Variants in ABCB1 observed in about 807,000 individuals in gnomAD.
ABCB1 encodes ATP binding cassette subfamily B member 1.
In ABCB1, 69 loss-of-function variants were observed where a neutral mutation model predicts 142.0. The observed-to-expected ratio is 0.49, with a 90% CI of 0.40 to 0.59. The LOEUF (loss-of-function observed/expected upper bound fraction) is 0.59. ABCB1 is among the 20% of genes least tolerant of loss of function. The pLI, the probability that ABCB1 is intolerant of heterozygous loss-of-function variation, is 0.00. For synonymous variants in ABCB1, 532 were observed against 539.2 expected (o/e 0.99, Z 0.18); for missense variants, 1,326 against 1,554.7 (o/e 0.85, Z 2.47).
At chr7:87,504,499 T>C in intron 27 of ABCB1, 50 bp from the exon 28 acceptor site, 1 of 1,605,464 alleles carries the variant, frequency 6.2e-7, no homozygotes. Flanking sequence ...TTTTCCCTAA[T>C]TCCTCTTCCA....
intron 2 of ABCB1, among the ~76,000 whole-genome samples, chr7:87,597,797 T>C (rs1244089365): frequency 1.3e-5 from 2 of 152,184 alleles, no homozygotes; most frequent in African/African-American, 2.4e-5. Flanking sequence ...GTGATTACAA[T>C]TCTGATATTG....
rs183112042 is a variant in ABCB1, at chr7:87,522,113, G to A, written c.2686-1237C>T. 994 of 1,310,522 alleles carry A rather than the reference G, an allele frequency of 7.6e-4. 1 individual carries two copies. Among genetic ancestry groups the A allele is most frequent in the Admixed American group, 1.6e-3 (97 of 59,482 alleles). The allele number at this position is 1,310,522 out of a possible 1,614,324, so 81.2% of individuals were successfully genotyped here. ...TTCGGTGGGAATGACAACTTTGGTC[G>A]TGGAGGAAACTTCAGTGGTCATTGT... On this transcript the variant is annotated intron_variant, in intron 21 of 27. Coordinates refer to ENST00000622132, the MANE Select transcript of ABCB1 (RefSeq NM_001348946.2).
intron 2 of ABCB1, among the ~76,000 whole-genome samples, chr7:87,597,417 G>T (rs1819251825): frequency 6.6e-6 from 1 of 151,704 alleles, no homozygotes; most frequent in Non-Finnish European, 1.5e-5. Context: ...TGTTAAAATA[G>T]ATTTAAATCA....
At chr7:87,545,040 G>A (rs1360237079) in intron 15 of ABCB1, 41 bp from the exon 16 acceptor site, 1 of 1,578,504 alleles carries the variant, frequency 6.3e-7, no homozygotes, top group Non-Finnish European at 8.7e-7. Context: ...ATTAGGCTGT[G>A]TGTTAACCAA....
At chr7:87,687,695 T>C (rs1201990959) in intron 1 of ABCB1, among the ~76,000 whole-genome samples, 4 of 152,178 alleles carry the variant, frequency 2.6e-5, no homozygotes, top group African/African-American at 9.7e-5. Context: ...GGATTTGGAC[T>C]CTTAAAACGA....
chr7:87,610,670 A>C, intron 1 of ABCB1, among the ~76,000 whole-genome samples: 1 of 152,046 alleles, frequency 6.6e-6, no homozygotes, highest in East Asian at 1.9e-4. Context: ...ACTATAGTCA[A>C]GTTTTCCTTA....
chr7:87,712,496 A>G (rs1830176841), intron 1 of ABCB1, among the ~76,000 whole-genome samples: 1 of 152,098 alleles, frequency 6.6e-6, no homozygotes, highest in Non-Finnish European at 1.5e-5. Flanking sequence ...CTATGCAAGT[A>G]GAATATTGAA....
intron 4 of ABCB1, among the ~76,000 whole-genome samples, chr7:87,580,364 A>G (rs1427961875): frequency 1.3e-5 from 2 of 152,212 alleles, no homozygotes; most frequent in African/African-American, 2.4e-5. Flanking sequence ...CACTTTAAAT[A>G]TGTCACGCTA....
chr7:87,647,417 A>G (rs955714147), intron 1 of ABCB1, among the ~76,000 whole-genome samples: 10 of 152,242 alleles, frequency 6.6e-5, no homozygotes, highest in African/African-American at 2.4e-4. Flanking sequence ...GCTTGAATGC[A>G]AAAGCAGTAA....
intron 1 of ABCB1, among the ~76,000 whole-genome samples, chr7:87,663,949 C>T (rs542917605): frequency 1.3e-5 from 2 of 152,222 alleles, no homozygotes; most frequent in Admixed American, 6.5e-5. Flanking sequence ...CACCCTTATA[C>T]CTCATTTCAC....
intron 1 of ABCB1, among the ~76,000 whole-genome samples, chr7:87,638,747 T>C (rs772794693): frequency 4.6e-5 from 7 of 152,184 alleles, no homozygotes; most frequent in Non-Finnish European, 4.4e-5. Flanking sequence ...GCTAGGCATT[T>C]ATTAATTTTA....
chr7:87,506,882 G>C (rs1310566894), intron 26 of ABCB1, among the ~76,000 whole-genome samples: 1 of 152,210 alleles, frequency 6.6e-6, no homozygotes, highest in Non-Finnish European at 1.5e-5. Flanking sequence ...TGTAAATAGA[G>C]GGAGAAGACG....
At chr7:87,675,625 A>G (rs1279545802) in intron 1 of ABCB1, among the ~76,000 whole-genome samples, 51 of 142,678 alleles carry the variant, frequency 3.6e-4, no homozygotes, top group African/African-American at 1.3e-3. Flanking sequence ...TTCAGTAAAT[A>G]GTGTTCAGAA....
In ABCB1 at chr7:87,504,152, C is replaced by T. The variant is rs1584823594; in HGVS notation, c.*91G>A. 1.3e-6 allele frequency: 2 copies of T among 1,519,446 alleles called. No individual in the cohort carries two copies. Among genetic ancestry groups the T allele is most frequent in the Admixed American group, 1.8e-5 (1 of 54,518 alleles). The allele number at this position is 1,519,446 out of a possible 1,614,324, so 94.1% of individuals were successfully genotyped here. A position where few individuals can be genotyped will look rare whatever the true frequency, so the allele number is the denominator to read the frequency against. On this transcript the variant is annotated 3_prime_UTR_variant, in exon 28 of 28. Transcript: ENST00000622132. ...AGGAAATGTTAAACAGATACCTCTT[C>T]ATAATTCTGTAAGTGTTTGCTTTTA...
intron 1 of ABCB1, chr7:87,628,437 T>G: frequency 1.3e-5 from 2 of 157,900 alleles, no homozygotes; most frequent in Non-Finnish European, 2.7e-5. Flanking sequence ...GGCTGCGGAG[T>G]GTGGGTGGTT....
At chr7:87,597,085 G>A (rs1442220965) in intron 2 of ABCB1, among the ~76,000 whole-genome samples, 1 of 152,148 alleles carries the variant, frequency 6.6e-6, no homozygotes, top group East Asian at 1.9e-4. Context: ...AGAGTGAGAA[G>A]AGTTAACTTG....
chr7:87,593,907 T>C (rs568402491), intron 3 of ABCB1, among the ~76,000 whole-genome samples: 1 of 152,338 alleles, frequency 6.6e-6, no homozygotes, highest in African/African-American at 2.4e-5. Context: ...ATCCTTTTGT[T>C]GTAATAAACA....
intron 1 of ABCB1, among the ~76,000 whole-genome samples, chr7:87,661,411 C>A (rs1176508368): frequency 6.6e-6 from 1 of 151,674 alleles, no homozygotes; most frequent in Non-Finnish European, 1.5e-5. Context: ...AACTGCCCCC[C>A]ACCTTCACTA....
At chr7:87,512,198 T>G (rs1264680496) in intron 25 of ABCB1, among the ~76,000 whole-genome samples, 1 of 152,090 alleles carries the variant, frequency 6.6e-6, no homozygotes, top group Admixed American at 6.5e-5. Flanking sequence ...AAATTTTTTT[T>G]TTTTACTTTA....
Sources: allele counts gnomAD v4.1 joint callset (sites outside exome capture counted in the v4.1 genomes callset), GRCh38; gene constraint gnomAD v4.1.1; transcripts MANE v1.5; gene names NCBI Gene and HGNC (gene_info 2026-07-23, HGNC 2026-07-21).